The following PDE2A variants were observed in gnomAD, a reference collection of about 807,000 sequenced individuals.
PDE2A encodes the protein cGMP-dependent 3',5'-cyclic phosphodiesterase.
A neutral mutation model predicts 133.6 loss-of-function variants in PDE2A; 53 were observed. The observed-to-expected ratio is 0.40, with a 90% CI of 0.32 to 0.50. PDE2A has a LOEUF of 0.50. PDE2A is among the 20% of genes least tolerant of loss of function. The probability of loss-of-function intolerance (pLI) is 0.73; values close to 1 mark genes in which losing one functional copy is unlikely to be tolerated. For missense variants in PDE2A, 796 were observed against 1,232.4 expected (o/e 0.65, Z 5.30); for synonymous variants, 491 against 490.2 (o/e 1.00, Z -0.02).
intron 1 of PDE2A, among the ~76,000 whole-genome samples, chr11:72,654,097 T>C (rs934034938): frequency 1.3e-5 from 2 of 152,122 alleles, no homozygotes; most frequent in African/African-American, 4.8e-5. Flanking sequence ...AACACCTCCA[T>C]AGTGGGCAGA....
intron 1 of PDE2A, among the ~76,000 whole-genome samples, chr11:72,670,083 C>A (rs1040155000): frequency 6.6e-6 from 1 of 152,170 alleles, no homozygotes; most frequent in African/African-American, 2.4e-5. Context: ...ACTCTGAACT[C>A]CTATAGTGCT....
intron 2 of PDE2A, among the ~76,000 whole-genome samples, chr11:72,633,134 A>T (rs555721905): frequency 6.6e-6 from 1 of 152,242 alleles, no homozygotes; most frequent in East Asian, 1.9e-4. Flanking sequence ...GCTGCTGGAG[A>T]ACCAGGGCTT....
chr11:72,652,748 G>A, intron 1 of PDE2A: 1 of 456,158 alleles, frequency 2.2e-6, no homozygotes, highest in Non-Finnish European at 4.4e-6. Context: ...TGATGGAACA[G>A]CAATTTCAAC....
intron 2 of PDE2A, among the ~76,000 whole-genome samples, chr11:72,638,120 G>A (rs1199627519): frequency 4.6e-5 from 7 of 151,784 alleles, no homozygotes; most frequent in African/African-American, 1.7e-4. Context: ...GCAGCATGGT[G>A]CTAGGACCAG....
At chr11:72,668,449 G>A (rs181563319) in intron 1 of PDE2A, 16 of 714,054 alleles carry the variant, frequency 2.2e-5, no homozygotes, top group Middle Eastern at 2.3e-4. Flanking sequence ...GTGAGAAGTC[G>A]TAATTATGGC....
chr11:72,655,349 G>GCCTGGGGACAATGAGCTTGGGA, intron 1 of PDE2A, among the ~76,000 whole-genome samples: 1 of 4,236 alleles, frequency 2.4e-4, no homozygotes, highest in Non-Finnish European at 1.0e-3. Flanking sequence ...CCAGGGTGAG[G>GCCTGGGGACAATGAGCTTGGGA]CAGCCTGGGG....
intron 1 of PDE2A, among the ~76,000 whole-genome samples, chr11:72,653,543 T>C (rs988353242): frequency 5.3e-5 from 8 of 151,904 alleles, no homozygotes; most frequent in South Asian, 2.1e-4. Flanking sequence ...CAGAGGTGGA[T>C]AGAGGCATGA....
chr11:72,625,706 C>T (rs1196405046), intron 2 of PDE2A, among the ~76,000 whole-genome samples: 1 of 152,150 alleles, frequency 6.6e-6, no homozygotes, highest in Non-Finnish European at 1.5e-5. Context: ...GCTCCCACCT[C>T]TCCCTCAGCC....
rs570379763 is a variant in PDE2A, at chr11:72,589,051, C to A, written c.939+124G>T. On this transcript the variant is annotated intron_variant, in intron 12 of 30. Transcript: ENST00000334456. ...GAAGCTCTGTGTCATGGAGATGGGACAGTAGAAAGTCCCCAGGTCTTATCT... is the reference window on the plus strand; with the variant it reads ...GAAGCTCTGTGTCATGGAGATGGGAAAGTAGAAAGTCCCCAGGTCTTATCT... 4 of 1,216,898 alleles carry A rather than the reference C, an allele frequency of 3.3e-6. No individual in the cohort carries two copies. In the South Asian group the frequency reaches 4.0e-5, roughly 12 times the overall value. The allele number at this position is 1,216,898 out of a possible 1,614,324, so 75.4% of individuals were successfully genotyped here.
At chr11:72,580,787 C>G in intron 24 of PDE2A, 99 bp downstream of exon 24, 1 of 974,732 alleles carries the variant, frequency 1.0e-6, no homozygotes, top group Non-Finnish European at 1.7e-6. Flanking sequence ...AAACCTGGCT[C>G]CTGGTCTCAC....
rs1196494243 is a variant in PDE2A at position 72,617,179 on chromosome 11, C to A, written c.145-8428G>T. ...TAAGGCTGAGTATCTGCCTCCAGGCCAGAGACTGGGTCTCTTATGTCCTCA... is the reference window on the plus strand; with the variant it reads ...TAAGGCTGAGTATCTGCCTCCAGGCAAGAGACTGGGTCTCTTATGTCCTCA... On this transcript the variant is annotated intron_variant, in intron 2 of 30. Transcript: ENST00000334456. Among the ~76,000 whole-genome samples, 5 of 152,352 alleles carry A rather than the reference C, an allele frequency of 3.3e-5. No individual in the cohort carries two copies. The East Asian group carries it at 7.7e-4, about 23-fold the overall frequency.
intron 4 of PDE2A, chr11:72,598,539 GATTA>G: frequency 7.8e-7 from 1 of 1,289,128 alleles, no homozygotes; most frequent in Non-Finnish European, 1.0e-6. Flanking sequence ...ACTCCTTGAT[GATTA>G]ATTGTCCTGG....
chr11:72,617,774 G>A (rs1421155923), intron 2 of PDE2A, among the ~76,000 whole-genome samples: 1 of 152,218 alleles, frequency 6.6e-6, no homozygotes, highest in African/African-American at 2.4e-5. Flanking sequence ...AGTCCCTGAA[G>A]ACCAAGGCAG....
At chr11:72,591,862 T>C (rs1455509956) in intron 6 of PDE2A, among the ~76,000 whole-genome samples, 1 of 152,240 alleles carries the variant, frequency 6.6e-6, no homozygotes, top group Non-Finnish European at 1.5e-5. Context: ...GTTCGTGAAG[T>C]GCTTTGCCTT....
chr11:72,605,280 G>T, intron 3 of PDE2A, 54 bp from the exon 4 acceptor site: 1 of 1,108,128 alleles, frequency 9.0e-7, no homozygotes, highest in Non-Finnish European at 1.3e-6. Flanking sequence ...CAGCTGCCCA[G>T]TCCCAGCCTG....
At chr11:72,612,275 CCACACACACACACACACACA>C (rs55775130) in intron 2 of PDE2A, among the ~76,000 whole-genome samples, 4 of 124,186 alleles carry the variant, frequency 3.2e-5, no homozygotes, top group Admixed American at 1.5e-4. Context: ...CACATCACAT[CCACACACACACACACACACA>C]CACACACACA....
In PDE2A at chr11:72,579,618, G is replaced by A. The variant is rs1336061304; in HGVS notation, c.2182-10C>T. The A allele has an allele frequency of 1.2e-5, 20 of 1,604,630 alleles. No homozygotes were observed. Among genetic ancestry groups the A allele is most frequent in the Non-Finnish European group, 1.5e-5 (18 of 1,173,228 alleles). On this transcript the variant is annotated splice_polypyrimidine_tract_variant and intron_variant, in intron 25 of 30. Coordinates refer to ENST00000334456, the MANE Select transcript of PDE2A (RefSeq NM_002599.5). ...GAGCAAAGTGGTGCCTCTGGGGGGAGAGGAGTGATGGGGGCCCAGCTGGGG... is the reference window on the plus strand; with the variant it reads ...GAGCAAAGTGGTGCCTCTGGGGGGAAAGGAGTGATGGGGGCCCAGCTGGGG...
intron 1 of PDE2A, among the ~76,000 whole-genome samples, chr11:72,663,741 A>AG (rs1555005516): frequency 9.2e-5 from 14 of 151,642 alleles, no homozygotes; most frequent in African/African-American, 3.4e-4. Context: ...AAAAAAAAAA[A>AG]AGAAAGAAAA....
chr11:72,615,412 T>G (rs1406977233), intron 2 of PDE2A, among the ~76,000 whole-genome samples: 1 of 152,000 alleles, frequency 6.6e-6, no homozygotes, highest in Non-Finnish European at 1.5e-5. Context: ...GCACGATCAG[T>G]TCCCTGAGGG....
Sources: gnomAD v4.1 joint callset for allele counts (sites outside exome capture counted in the v4.1 genomes callset) on GRCh38, gnomAD v4.1.1 for gene constraint, MANE v1.5 for transcripts, NCBI Gene and HGNC (gene_info 2026-07-23, HGNC 2026-07-21) for gene names.